The following SLC2A13 variants were observed in gnomAD, a reference collection of about 807,000 sequenced individuals.
SLC2A13 encodes proton myo-inositol cotransporter.
A neutral mutation model predicts 64.4 loss-of-function variants in SLC2A13; 32 were observed. That is an observed-to-expected ratio of 0.50 (90% CI 0.37 to 0.67). The LOEUF is 0.67. Ranked by LOEUF, SLC2A13 falls within the 30% of genes least tolerant of loss-of-function variation. The pLI, the probability that SLC2A13 is intolerant of heterozygous loss-of-function variation, is 0.00. For synonymous variants in SLC2A13, 338 were observed against 327.1 expected, an observed-to-expected ratio of 1.03 and a Z score of -0.36; for missense variants, 743 against 829.2, an observed-to-expected ratio of 0.90 and a Z score of 1.28.
intron 1 of SLC2A13, among the ~76,000 whole-genome samples, chr12:40,088,897 G>A (rs939188418): frequency 6.6e-6 from 1 of 152,156 alleles, no homozygotes; most frequent in African/African-American, 2.4e-5. Flanking sequence ...AAAATGTGTG[G>A]TATGAAGGCA....
At chr12:40,077,933 C>A (rs914291233) in intron 1 of SLC2A13, among the ~76,000 whole-genome samples, 4 of 152,176 alleles carry the variant, frequency 2.6e-5, no homozygotes, top group Admixed American at 1.3e-4. Flanking sequence ...GGATTGCATT[C>A]TTGATTTGGC....
At chr12:40,057,070 A>G (rs1326293432) in intron 1 of SLC2A13, among the ~76,000 whole-genome samples, 10 of 152,156 alleles carry the variant, frequency 6.6e-5, no homozygotes, top group Admixed American at 2.0e-4. Context: ...CTAAAATTAA[A>G]TAGGGAAATG....
chr12:39,760,295 G>C lies in SLC2A13; in HGVS notation c.1721-43C>G, dbSNP rs745618382. ...AGATACATGAATATGAATATATAGAGAGAGGCTTAAGTTGGAAAGATTACT... is the reference window on the plus strand; with the variant it reads ...AGATACATGAATATGAATATATAGACAGAGGCTTAAGTTGGAAAGATTACT... On this transcript the variant is annotated intron_variant, in intron 9 of 9. Coordinates refer to ENST00000280871, the MANE Select transcript of SLC2A13 (RefSeq NM_052885.4). 3 of 1,531,218 alleles carry C rather than the reference G, an allele frequency of 2.0e-6. No homozygotes were observed. The Admixed American group carries it at 5.6e-5, about 29-fold the overall frequency. The allele number at this position is 1,531,218 out of a possible 1,614,324, so 94.9% of individuals were successfully genotyped here. A position where few individuals can be genotyped will look rare whatever the true frequency, so the allele number is the denominator to read the frequency against.
intron 3 of SLC2A13, among the ~76,000 whole-genome samples, chr12:40,019,083 C>A (rs1015617416): frequency 6.6e-6 from 1 of 152,054 alleles, no homozygotes; most frequent in Non-Finnish European, 1.5e-5. Context: ...AGGGAAGATA[C>A]TAGAAACAAG....
intron 4 of SLC2A13, among the ~76,000 whole-genome samples, chr12:39,891,671 A>G (rs943136556): frequency 1.3e-5 from 2 of 152,080 alleles, no homozygotes; most frequent in African/African-American, 4.8e-5. Flanking sequence ...TACTATTGCA[A>G]TTTTACATAT....
In SLC2A13 at chr12:40,002,998, C is replaced by T. The variant is rs138807193; in HGVS notation, c.925+25303G>A. 3.1e-3 allele frequency among the ~76,000 whole-genome samples: 477 copies of T among 152,304 alleles called. 6 individuals carry two copies. Among genetic ancestry groups the T allele is most frequent in the African/African-American group, 0.01 (422 of 41,566 alleles). On this transcript the variant is annotated intron_variant, in intron 3 of 9. Coordinates refer to ENST00000280871, the MANE Select transcript of SLC2A13 (RefSeq NM_052885.4). ...TTTGTACACTGGAAAGGAGCCCTCACGCTAGGCGTATTGGTCACTGGCTCA... is the reference window on the plus strand; with the variant it reads ...TTTGTACACTGGAAAGGAGCCCTCATGCTAGGCGTATTGGTCACTGGCTCA...
intron 3 of SLC2A13, among the ~76,000 whole-genome samples, chr12:40,025,825 C>A (rs1367574878): frequency 6.6e-6 from 1 of 152,178 alleles, no homozygotes; most frequent in Non-Finnish European, 1.5e-5. Context: ...TGTGCCAGTG[C>A]ATTTTTATTA....
chr12:39,846,749 G>A (rs1372298257), intron 6 of SLC2A13, among the ~76,000 whole-genome samples: 3 of 152,124 alleles, frequency 2.0e-5, no homozygotes, highest in African/African-American at 7.2e-5. Context: ...ACAATGCCCA[G>A]CCTCACTTAA....
At chr12:39,952,519 C>T (rs1035281837) in intron 3 of SLC2A13, among the ~76,000 whole-genome samples, 3 of 152,004 alleles carry the variant, frequency 2.0e-5, no homozygotes, top group Admixed American at 6.6e-5. Context: ...TAGTATGGGA[C>T]GTCAAGCCAG....
intron 1 of SLC2A13, among the ~76,000 whole-genome samples, chr12:40,060,662 G>A (rs1948404472): frequency 6.6e-6 from 1 of 152,120 alleles, no homozygotes; most frequent in Admixed American, 6.5e-5. Flanking sequence ...CAGTAAAATA[G>A]TATCCTCATT....
chr12:39,852,479 T>C (rs114813726), intron 6 of SLC2A13, among the ~76,000 whole-genome samples: 2,148 of 152,322 alleles, frequency 0.014, 38 homozygotes, highest in African/African-American at 0.047. Flanking sequence ...TAAAGAGGAC[T>C]TGTTCATTGA....
At chr12:39,979,429 A>C (rs1485494885) in intron 3 of SLC2A13, among the ~76,000 whole-genome samples, 1 of 139,124 alleles carries the variant, frequency 7.2e-6, no homozygotes, top group Non-Finnish European at 1.6e-5. Context: ...CTTTGAAAAA[A>C]ATTTATAAGA....
chr12:39,856,511 GGC>G (rs1943611673), intron 6 of SLC2A13, among the ~76,000 whole-genome samples: 1 of 152,140 alleles, frequency 6.6e-6, no homozygotes, highest in Admixed American at 6.5e-5. Context: ...TGGGACTACA[GGC>G]GCATGCCACC....
Position 39,981,649 on chromosome 12 carries a change from A to C in SLC2A13, c.926-30284T>G, listed in dbSNP as rs972699914. Among the ~76,000 whole-genome samples, 19 of 152,254 alleles carry C rather than the reference A, an allele frequency of 1.2e-4. No homozygotes were observed. The Middle Eastern group carries it at 0.01, about 82-fold the overall frequency. On this transcript the variant is annotated intron_variant, in intron 3 of 9. Transcript: ENST00000280871. The stretch of plus-strand genomic sequence containing the variant: ...AGGAAGAAGTTGAATCTCTGAATAC[A>C]CCAATAACAGGAGCTGAAATTGTGG...
At chr12:39,848,159 A>G (rs964588888) in intron 6 of SLC2A13, among the ~76,000 whole-genome samples, 1 of 152,224 alleles carries the variant, frequency 6.6e-6, no homozygotes, top group Non-Finnish European at 1.5e-5. Context: ...AATTGCAACA[A>G]AAACAAAAAT....
chr12:39,792,822 T>G (rs1941450217), intron 7 of SLC2A13, among the ~76,000 whole-genome samples: 1 of 149,966 alleles, frequency 6.7e-6, no homozygotes. Context: ...AAACCCCACA[T>G]AAAAGTGGAC....
chr12:39,786,172 G>A (rs1199739408), intron 7 of SLC2A13, among the ~76,000 whole-genome samples: 1 of 152,128 alleles, frequency 6.6e-6, no homozygotes, highest in African/African-American at 2.4e-5. Context: ...TCAACTTGAG[G>A]TATATCTCCC....
intron 7 of SLC2A13, among the ~76,000 whole-genome samples, chr12:39,789,538 G>A (rs992481005): frequency 3.3e-5 from 5 of 151,922 alleles, no homozygotes; most frequent in South Asian, 2.1e-4. Context: ...TGTGTGCAAG[G>A]GTTTCTCTAA....
chr12:39,877,103 T>G (rs1476419027), intron 4 of SLC2A13, among the ~76,000 whole-genome samples: 2 of 152,152 alleles, frequency 1.3e-5, no homozygotes, highest in Non-Finnish European at 2.9e-5. Flanking sequence ...AATAATTATA[T>G]TTTCCTATTG....
Sources: gnomAD v4.1 joint callset for allele counts (sites outside exome capture counted in the v4.1 genomes callset) on GRCh38, gnomAD v4.1.1 for gene constraint, MANE v1.5 for transcripts, NCBI Gene and HGNC (gene_info 2026-07-23, HGNC 2026-07-21) for gene names.